Variants in LDLRAD1 observed in about 807,000 individuals in gnomAD.
The protein encoded by LDLRAD1 is low density lipoprotein receptor class A domain containing 1.
A neutral mutation model predicts 24.8 loss-of-function variants in LDLRAD1; 17 were observed. The observed-to-expected ratio is 0.69, with a 90% CI of 0.47 to 1.03. The LOEUF (loss-of-function observed/expected upper bound fraction) is 1.03. Among genes scored for constraint, LDLRAD1 ranks in the 50% least tolerant of loss-of-function variants. The pLI, the probability that LDLRAD1 is intolerant of heterozygous loss-of-function variation, is 0.00. For synonymous variants in LDLRAD1, 103 were observed against 108.2 expected, an observed-to-expected ratio of 0.95 and a Z score of 0.30; for missense variants, 277 against 271.0, an observed-to-expected ratio of 1.02 and a Z score of -0.16.
intron 4 of LDLRAD1, among the ~76,000 whole-genome samples, chr1:54,010,802 ATGTGG>A (rs1656019697): frequency 1.3e-5 from 2 of 152,180 alleles, no homozygotes; most frequent in African/African-American, 4.8e-5. Context: ...ACAGGAATAA[ATGTGG>A]AGTCTTACAG....
chr1:54,014,460 C>A, intron 2 of LDLRAD1, 96 bp from the exon 3 acceptor site: 2 of 1,205,998 alleles, frequency 1.7e-6, no homozygotes, highest in Non-Finnish European at 2.3e-6. Flanking sequence ...TGCAAGCAGC[C>A]TCTCCCCCAC....
intron 3 of LDLRAD1, among the ~76,000 whole-genome samples, chr1:54,013,460 TC>T (rs1656152180): frequency 1.5e-5 from 1 of 64,940 alleles, no homozygotes; most frequent in Admixed American, 1.7e-4. Context: ...CCCAACTTAA[TC>T]CCCTTTCTGT....
chr1:54,011,169 C>T (rs1306754527), intron 4 of LDLRAD1, among the ~76,000 whole-genome samples: 1 of 152,018 alleles, frequency 6.6e-6, no homozygotes, highest in African/African-American at 2.4e-5. Context: ...GGGGATGTGG[C>T]GTAGAGAAGA....
rs773709944 is a variant in LDLRAD1, at chr1:54,017,391, G to A, written c.58C>T (p.His20Tyr). The A allele has an allele frequency of 4.4e-6, 7 of 1,603,426 alleles. No individual in the cohort carries two copies. Among genetic ancestry groups the A allele is most frequent in the South Asian group, 2.3e-5 (2 of 88,822 alleles). Residue 20 changes from histidine (H) to tyrosine (Y), a missense_variant, in exon 2 of 6, where the codon CAC becomes TAC. Coordinates refer to ENST00000371360, the MANE Select transcript of LDLRAD1 (RefSeq NM_001010978.4). ...NGYTAAESKA[H>Y]PGGEAGGGHL... ...AGTTCTTTACCTTCCCCTCCAGGGT[G>A]GGCTTTGGATTCAGCAGCAGTGTAG... is the stretch of plus-strand genomic sequence containing the variant.
chr1:54,017,471 G>A lies in LDLRAD1; in HGVS notation c.22-44C>T, dbSNP rs756092990. ...TGAGGGGTGGGCTTAGGTGAGGTGAGCTCCAGCCTCAGGGAGGCAGACAAC... is the reference window on the plus strand; with the variant it reads ...TGAGGGGTGGGCTTAGGTGAGGTGAACTCCAGCCTCAGGGAGGCAGACAAC... On this transcript the variant is annotated intron_variant, in intron 1 of 5. Transcript: ENST00000371360. 10 of 1,541,528 alleles carry A rather than the reference G, an allele frequency of 6.5e-6. No individual in the cohort carries two copies. The East Asian group carries it at 1.2e-4, about 18-fold the overall frequency.
intron 3 of LDLRAD1, among the ~76,000 whole-genome samples, chr1:54,013,336 A>G (rs1425926896): frequency 1.3e-5 from 2 of 152,202 alleles, no homozygotes; most frequent in Non-Finnish European, 1.5e-5. Flanking sequence ...GTGTTCCTGC[A>G]GGGCAGGGGG....
At chr1:54,016,859 C>G (rs545202635) in intron 2 of LDLRAD1, among the ~76,000 whole-genome samples, 1 of 152,212 alleles carries the variant, frequency 6.6e-6, no homozygotes, top group East Asian at 1.9e-4. Flanking sequence ...ATCTACCTCT[C>G]TGAGTGTGTT....
At chr1:54,010,203 A>C in intron 5 of LDLRAD1, 79 bp downstream of exon 5, 2,653 of 1,455,460 alleles carry the variant, frequency 1.8e-3, no homozygotes, top group Non-Finnish European at 2.3e-3. Flanking sequence ...GGGGAGCCCT[A>C]GAGATTCCCT....
At chr1:54,012,738 G>A (rs1290871701) in intron 3 of LDLRAD1, among the ~76,000 whole-genome samples, 1 of 152,148 alleles carries the variant, frequency 6.6e-6, no homozygotes, top group African/African-American at 2.4e-5. Flanking sequence ...TGGGCTGGCT[G>A]GAGGGCCATA....
At chr1:54,017,042 A>C (rs1015004973) in intron 2 of LDLRAD1, among the ~76,000 whole-genome samples, 5 of 152,344 alleles carry the variant, frequency 3.3e-5, no homozygotes, top group African/African-American at 1.2e-4. Flanking sequence ...AGAGTTAAAG[A>C]GAATTGCCCA....
rs184714964 is a variant in LDLRAD1, at chr1:54,008,961, A to G, written c.*21T>C. 3 of 1,598,896 alleles carry G rather than the reference A, an allele frequency of 1.9e-6. No homozygotes were observed. Among genetic ancestry groups the G allele is most frequent in the Non-Finnish European group, 2.6e-6 (3 of 1,169,578 alleles). ...TCAGTGCCATTCCAGCCAGCCTTCC[A>G]TGCTGGCCTGAGTGGCCCACTCAGG... On this transcript the variant is annotated 3_prime_UTR_variant, in exon 6 of 6. Transcript: ENST00000371360.
chr1:54,018,059 T>G, intron 1 of LDLRAD1, 33 bp downstream of exon 1: 5 of 1,577,858 alleles, frequency 3.2e-6, no homozygotes, highest in Non-Finnish European at 4.4e-6. Context: ...AGCTCTTACT[T>G]GGAGACAACT....
chr1:54,010,262 G>A lies in LDLRAD1; in HGVS notation c.469+20C>T. On this transcript the variant is annotated intron_variant, in intron 5 of 5. Coordinates refer to ENST00000371360, the MANE Select transcript of LDLRAD1 (RefSeq NM_001010978.4). ...CTGCCTGGACACCAGCCCCAGCCCA[G>A]CCTGTGCCCAGACCCCTACCTGGGC... The A allele has an allele frequency of 6.2e-7, 1 of 1,613,482 alleles. No individual in the cohort carries two copies. The highest frequency in any genetic ancestry group is 8.5e-7 in the Non-Finnish European group (1 of 1,179,698).
chr1:54,012,299 G>A lies in LDLRAD1; in HGVS notation c.203-19C>T. On this transcript the variant is annotated intron_variant, in intron 3 of 5. Coordinates refer to ENST00000371360, the MANE Select transcript of LDLRAD1 (RefSeq NM_001010978.4). The stretch of plus-strand genomic sequence containing the variant: ...TGGGCTCCTGAATGGGCAGGGAAAG[G>A]CCCTGGAGGGTCAAGGGTGGTGCTC... The A allele has an allele frequency of 6.2e-7, 1 of 1,613,822 alleles. No homozygotes were observed. Among genetic ancestry groups the A allele is most frequent in the Non-Finnish European group, 8.5e-7 (1 of 1,179,846 alleles).
chr1:54,007,945 C>T lies in LDLRAD1; in HGVS notation c.*1037G>A, dbSNP rs1419113405. 6.6e-6 allele frequency: 1 copy of T among 152,230 alleles called. No individual in the cohort carries two copies. The highest frequency in any genetic ancestry group is 1.5e-5 in the Non-Finnish European group (1 of 68,096). 9.4% of individuals were successfully genotyped at this position (152,230 alleles called of 1,614,324 possible). A position where few individuals can be genotyped will look rare whatever the true frequency, so the allele number is the denominator to read the frequency against. On this transcript the variant is annotated 3_prime_UTR_variant, in exon 6 of 6. Transcript: ENST00000371360. ...TCATCCATCTAATGGAAATATTCAT[C>T]CTTGCCTGCCTGGGTGGTGTGAAGC...
In LDLRAD1 at chr1:54,018,149, C is replaced by T; in HGVS notation, c.-37G>A. ...CCTGCTGCCCGACTGGGGCTGTGTG[C>T]AGAGAGCTCAGCACGGGTTCCCTGC... On this transcript the variant is annotated 5_prime_UTR_variant, in exon 1 of 6. Coordinates refer to ENST00000371360, the MANE Select transcript of LDLRAD1 (RefSeq NM_001010978.4). The T allele has an allele frequency of 6.2e-7, 1 of 1,612,666 alleles. No homozygotes were observed. The highest frequency in any genetic ancestry group is 8.5e-7 in the Non-Finnish European group (1 of 1,179,348).
rs1393190509 is a variant in LDLRAD1, at chr1:54,008,602, T to G, written c.*380A>C. ...TCTCACTGTGTTGCTCAGGCTGGAG[T>G]GCAGTGGTGTGGTCACAGCTCACTG... On this transcript the variant is annotated 3_prime_UTR_variant, in exon 6 of 6. Transcript: ENST00000371360. The G allele has an allele frequency of 5.9e-6, 1 of 169,946 alleles. No individual in the cohort carries two copies. The highest frequency in any genetic ancestry group is 1.3e-5 in the Non-Finnish European group (1 of 79,750). 10.5% of individuals were successfully genotyped at this position (169,946 alleles called of 1,614,324 possible). A position where few individuals can be genotyped will look rare whatever the true frequency, so the allele number is the denominator to read the frequency against.
chr1:54,018,057 C>T (rs1227248355), intron 1 of LDLRAD1, 35 bp downstream of exon 1: 1 of 1,575,432 alleles, frequency 6.3e-7, no homozygotes, highest in South Asian at 1.1e-5. Context: ...ACAGCTCTTA[C>T]TTGGAGACAA....
intron 3 of LDLRAD1, among the ~76,000 whole-genome samples, chr1:54,012,826 C>T (rs1046575343): frequency 2.6e-5 from 4 of 152,112 alleles, no homozygotes; most frequent in East Asian, 3.9e-4. Flanking sequence ...AACACCCCTG[C>T]GACACGTCAT....
Sources: gnomAD v4.1 joint callset for allele counts (sites outside exome capture counted in the v4.1 genomes callset) on GRCh38, gnomAD v4.1.1 for gene constraint, MANE v1.5 for transcripts, NCBI Gene and HGNC (gene_info 2026-07-23, HGNC 2026-07-21) for gene names.